Variants in PYGL observed in about 807,000 individuals in gnomAD.
The protein encoded by PYGL is glycogen phosphorylase, liver form.
In PYGL, 90 loss-of-function variants were observed where a neutral mutation model predicts 100.1. The observed-to-expected ratio is 0.90, with a 90% CI of 0.76 to 1.07. The LOEUF is 1.07. PYGL is among the 50% of genes least tolerant of loss of function. The pLI is 0.00. For synonymous variants in PYGL, 373 were observed against 393.0 expected, an observed-to-expected ratio of 0.95 and a Z score of 0.60; for missense variants, 1,016 against 1,057.6, an observed-to-expected ratio of 0.96 and a Z score of 0.55.
At chr14:50,907,865 G>A (rs2050349260) in intron 19 of PYGL, among the ~76,000 whole-genome samples, 1 of 151,986 alleles carries the variant, frequency 6.6e-6, no homozygotes, top group South Asian at 2.1e-4. Context: ...GGCCAACACG[G>A]TGAAACTCCA....
Position 50,905,309 on chromosome 14 carries a change from G to A in PYGL, c.*83C>T. ...GATACTCAACTATTATAGATTATTA[G>A]CTAACAAAACAAAAACCAGTGAATG... On this transcript the variant is annotated 3_prime_UTR_variant, in exon 20 of 20. Coordinates refer to ENST00000216392, the MANE Select transcript of PYGL (RefSeq NM_002863.5). 7.2e-7 allele frequency: 1 copy of A among 1,380,090 alleles called. No homozygotes were observed. The highest frequency in any genetic ancestry group is 1.0e-6 in the Non-Finnish European group (1 of 972,370). The allele number at this position is 1,380,090 out of a possible 1,614,324, so 85.5% of individuals were successfully genotyped here.
chr14:50,915,404 G>T lies in PYGL; in HGVS notation c.1335C>A (p.Leu445=), dbSNP rs768628163. 1.1e-5 allele frequency: 17 copies of T among 1,614,082 alleles called. No individual in the cohort carries two copies. In the African/African-American group the frequency reaches 1.7e-4, roughly 16 times the overall value. ...TCACAGCATGGGAACCGACAATGCAGAGATGGGCCATGTTGATCCTTTTGC... is the reference window on the plus strand; with the variant it reads ...TCACAGCATGGGAACCGACAATGCATAGATGGGCCATGTTGATCCTTTTGC... The part of the protein sequence containing the change: ...EGSKRINMAH[L]CIVGSHAVNG... Residue 445 remains leucine, a synonymous_variant, in exon 11 of 20, where the codon CTC becomes CTA. Transcript: ENST00000216392.
Position 50,916,984 on chromosome 14 carries a change from A to G in PYGL, c.977T>C (p.Val326Ala). 6.2e-7 allele frequency: 1 copy of G among 1,614,194 alleles called. No homozygotes were observed. Among genetic ancestry groups the G allele is most frequent in the Non-Finnish European group, 8.5e-7 (1 of 1,180,012 alleles). ...TGCCTGATCCGGGAAGGCATCAAAC[A>G]CAGTTCCTGCACCACGGGTGGAGCC... Reference protein sequence around the residue: ...KFGSTRGAGTVFDAFPDQVAI... With the variant: ...KFGSTRGAGTAFDAFPDQVAI... The change falls in exon 8 of 20, where the codon GTG becomes GCG. Residue 326 changes from valine to alanine, a missense_variant. By Grantham distance (64) the Val-to-Ala change is moderately conservative. Transcript: ENST00000216392.
chr14:50,912,405 C>A (rs2050408285), intron 13 of PYGL, 102 bp from the exon 14 acceptor site: 3 of 1,446,866 alleles, frequency 2.1e-6, no homozygotes, highest in East Asian at 2.3e-5. Context: ...TTTGCCCAGG[C>A]TGGAGTGCAG....
At position 50,905,486 on chromosome 14, in the gene PYGL, G is replaced by T; in HGVS notation, c.2450C>A (p.Thr817Lys). Reference protein sequence around the residue: ...AASGKFSSDRTIKEYAQNIWN... With the variant: ...AASGKFSSDRKIKEYAQNIWN... ...GATGTTTTGGGCATATTCTTTAATT[G>T]TTCGGTCACTGGAGAATTTCCCCGA... Residue 817 changes from threonine (T) to lysine (K), a missense_variant, in exon 20 of 20, where the codon ACA (threonine) becomes AAA (lysine). Thr to Lys is a moderately conservative substitution (Grantham distance 78). Coordinates refer to ENST00000216392, the MANE Select transcript of PYGL (RefSeq NM_002863.5). 1 of 1,613,772 alleles carries T rather than the reference G, an allele frequency of 6.2e-7. No individual in the cohort carries two copies. The highest frequency in any genetic ancestry group is 8.5e-7 in the Non-Finnish European group (1 of 1,179,698).
chr14:50,936,243 T>C (rs2050652192), intron 2 of PYGL, among the ~76,000 whole-genome samples: 2 of 152,130 alleles, frequency 1.3e-5, no homozygotes, highest in South Asian at 4.1e-4. Flanking sequence ...TTTTTTTAAA[T>C]GGAAAAATAA....
At position 50,935,172 on chromosome 14, in the gene PYGL, A is replaced by C. The variant is rs574414679; in HGVS notation, c.359T>G (p.Ile120Arg). The C allele has an allele frequency of 3.1e-6, 5 of 1,612,050 alleles. No individual in the cohort carries two copies. The South Asian group carries it at 5.5e-5, about 18-fold the overall frequency. Residue 120 changes from isoleucine to arginine, a missense_variant, in exon 3 of 20, where the codon ATA becomes AGA. Transcript: ENST00000216392. ...DEAIYQLGLD[I>R]EELEEIEEDA... ...TTCTTCAATTTCTTCTAACTCTTCT[A>C]TATCCAATCCAAGCTGGTAATGAAA...
chr14:50,920,562 C>T lies in PYGL; in HGVS notation c.834G>A (p.Arg278=). The part of the protein sequence containing the change: ...LDRNLAENIS[R]VLYPNDNFFE... ...TCACATTGTCATTGGGATAGAGGAC[C>T]CGGGAGATGTTCTCGGCCAGGTTTC... Residue 278 remains arginine, a synonymous_variant, in exon 7 of 20, where the codon CGG becomes CGA. Coordinates refer to ENST00000216392, the MANE Select transcript of PYGL (RefSeq NM_002863.5). 3 of 1,613,014 alleles carry T rather than the reference C, an allele frequency of 1.9e-6. No homozygotes were observed. Among genetic ancestry groups the T allele is most frequent in the Non-Finnish European group, 2.5e-6 (3 of 1,179,044 alleles).
At chr14:50,941,231 T>C (rs1005885733) in intron 1 of PYGL, among the ~76,000 whole-genome samples, 2 of 152,134 alleles carry the variant, frequency 1.3e-5, no homozygotes, top group Non-Finnish European at 2.9e-5. Context: ...AAATGTGTAA[T>C]TGAGGTCACA....
Position 50,907,287 on chromosome 14 carries a change from A to G in PYGL, c.2379+984T>C, listed in dbSNP as rs192180586. Among the ~76,000 whole-genome samples, 453 of 151,978 alleles carry G rather than the reference A, an allele frequency of 3.0e-3. 2 individuals are homozygous for G. Among genetic ancestry groups the G allele is most frequent in the African/African-American group, 0.01 (427 of 41,392 alleles). The stretch of plus-strand genomic sequence containing the variant: ...AACACCTTTCTCTTTCTACGAATTT[A>G]TATTCTATTGATACAGCCCCCTCCA... On this transcript the variant is annotated intron_variant, in intron 19 of 19. Coordinates refer to ENST00000216392, the MANE Select transcript of PYGL (RefSeq NM_002863.5).
In PYGL at chr14:50,944,389, CAG is replaced by C; in HGVS notation, c.13_14del (p.Leu5AspfsTer105). 6.2e-7 allele frequency: 1 copy of C among 1,612,248 alleles called. No individual in the cohort carries two copies. Among genetic ancestry groups the C allele is most frequent in the Non-Finnish European group, 8.5e-7 (1 of 1,179,478 alleles). MAKP[L>X]TDQEKRRQIS... ...TCTGCCGCCGCTTCTCCTGGTCCGT[CAG>C]GGGCTTCGCCATGGCTGGGGCGGCG... On this transcript the variant is annotated frameshift_variant, in exon 1 of 20. Coordinates refer to ENST00000216392, the MANE Select transcript of PYGL (RefSeq NM_002863.5). LOFTEE classifies it high-confidence loss of function.
chr14:50,935,541 A>T (rs2050647181), intron 2 of PYGL, among the ~76,000 whole-genome samples: 1 of 152,222 alleles, frequency 6.6e-6, no homozygotes. Flanking sequence ...AAATGAGATT[A>T]TACAAACAAA....
Position 50,915,891 on chromosome 14 carries a change from G to T in PYGL, c.1173C>A (p.Asp391Glu). The T allele has an allele frequency of 6.2e-7, 1 of 1,614,180 alleles. No individual in the cohort carries two copies. The highest frequency in any genetic ancestry group is 8.5e-7 in the Non-Finnish European group (1 of 1,180,030). ...GTCGAGGGAGCAGCTTCTCCACCAG[G>T]TCCACGGGCCAGCGCTCCAGGGCTT... Reference protein sequence around the residue: ...LPEALERWPVDLVEKLLPRHL... With the variant: ...LPEALERWPVELVEKLLPRHL... Residue 391 changes from aspartate to glutamate, a missense_variant, in exon 10 of 20, where the codon GAC becomes GAA. By Grantham distance (45) the Asp-to-Glu change is conservative. Coordinates refer to ENST00000216392, the MANE Select transcript of PYGL (RefSeq NM_002863.5).
intron 4 of PYGL, among the ~76,000 whole-genome samples, chr14:50,930,810 TTC>T (rs2050594880): frequency 6.6e-6 from 1 of 152,116 alleles, no homozygotes. Flanking sequence ...AGATATATAT[TTC>T]TGTCAATGGT....
chr14:50,910,136 G>T (rs2050379532), intron 16 of PYGL, 34 bp from the exon 17 acceptor site: 1 of 1,582,276 alleles, frequency 6.3e-7, no homozygotes. Context: ...TAGTAATTTT[G>T]TCTGTCTAGA....
At chr14:50,936,631 A>G (rs2050655165) in intron 2 of PYGL, among the ~76,000 whole-genome samples, 1 of 152,178 alleles carries the variant, frequency 6.6e-6, no homozygotes, top group Admixed American at 6.5e-5. Context: ...CAAAATGGCG[A>G]AACCCCATCT....
chr14:50,910,532 T>C (rs1050410469), intron 16 of PYGL, among the ~76,000 whole-genome samples: 3 of 152,196 alleles, frequency 2.0e-5, no homozygotes, highest in Admixed American at 1.3e-4. Flanking sequence ...TACAGCTCTC[T>C]GCAGCCTTGA....
rs764009882 is a variant in PYGL at position 50,911,763 on chromosome 14, A to G, written c.1936T>C (p.Leu646=). 15 of 1,614,102 alleles carry G rather than the reference A, an allele frequency of 9.3e-6. No individual in the cohort carries two copies. Among genetic ancestry groups the G allele is most frequent in the Non-Finnish European group, 1.3e-5 (15 of 1,180,042 alleles). Residue 646 remains leucine (L), a synonymous_variant, in exon 16 of 20, where the codon TTG becomes CTG. Transcript: ENST00000216392. The stretch of plus-strand genomic sequence containing the variant: ...GCAAGAGATACTCTGTAGTTCTCCA[A>G]GAAGATGACTTTCAACTTGCTTCCA... ...MVGSKLKVIF[L]ENYRVSLAEK...
At chr14:50,943,758 A>T (rs2050721701) in intron 1 of PYGL, among the ~76,000 whole-genome samples, 1 of 152,212 alleles carries the variant, frequency 6.6e-6, no homozygotes, top group African/African-American at 2.4e-5. Context: ...TTTAGGGCTG[A>T]GTGTCCAGGG....
Sources: gnomAD v4.1 joint callset for allele counts (sites outside exome capture counted in the v4.1 genomes callset) on GRCh38, gnomAD v4.1.1 for gene constraint, MANE v1.5 for transcripts, NCBI Gene and HGNC (gene_info 2026-07-23, HGNC 2026-07-21) for gene names.